The following C10orf71 variants were observed in gnomAD, a reference collection of about 807,000 sequenced individuals.
The protein encoded by C10orf71 is cardiac-enriched FHL2-interacting protein.
For synonymous variants in C10orf71, 758 were observed against 726.3 expected, an observed-to-expected ratio of 1.04 and a Z score of -0.70; for missense variants, 1,869 against 1,804.5, an observed-to-expected ratio of 1.04 and a Z score of -0.65.
At chr10:49,297,385 T>C (rs1196816739), upstream of C10orf71, among the ~76,000 whole-genome samples, 1 of 152,202 alleles carries the variant, frequency 6.6e-6, no homozygotes, top group Non-Finnish European at 1.5e-5. Flanking sequence ...GGGAGGGAAA[T>C]TAACAAATAT....
At chr10:49,310,076 G>A (rs1358414563) in intron 1 of C10orf71, among the ~76,000 whole-genome samples, 1 of 152,212 alleles carries the variant, frequency 6.6e-6, no homozygotes, top group Non-Finnish European at 1.5e-5. Context: ...CAGGGATGAG[G>A]AGGAAAATGG....
intron 1 of C10orf71, among the ~76,000 whole-genome samples, chr10:49,300,665 C>G (rs546505052): frequency 7.4e-4 from 112 of 152,292 alleles, no homozygotes; most frequent in African/African-American, 2.6e-3. Context: ...ACCAGACACA[C>G]AGCGTGTCCA....
Position 49,323,339 on chromosome 10 carries a change from G to T in C10orf71, c.794G>T (p.Gly265Val). Residue 265 changes from glycine to valine, a missense_variant, in exon 3 of 3, where the codon GGC becomes GTC. Physicochemically the swap from Gly to Val is moderately radical, Grantham distance 109. Coordinates refer to ENST00000374144, the MANE Select transcript of C10orf71 (RefSeq NM_001135196.2). Reference protein sequence around the residue: ...HKPVTGEPGRGKGTFLHSENS... With the variant: ...HKPVTGEPGRVKGTFLHSENS... ...CCAGTCACGGGTGAGCCTGGGAGAG[G>T]CAAAGGTACCTTTCTGCACAGTGAA... The T allele has an allele frequency of 6.2e-7, 1 of 1,613,842 alleles. No homozygotes were observed. The highest frequency in any genetic ancestry group is 1.1e-5 in the South Asian group (1 of 91,046).
intron 2 of C10orf71, among the ~76,000 whole-genome samples, chr10:49,317,270 G>T (rs1457169973): frequency 6.6e-6 from 1 of 152,178 alleles, no homozygotes; most frequent in Non-Finnish European, 1.5e-5. Context: ...AAGTGGGATG[G>T]TGCTGCCGTG....
At chr10:49,310,428 G>T (rs1848890625) in intron 1 of C10orf71, among the ~76,000 whole-genome samples, 1 of 152,168 alleles carries the variant, frequency 6.6e-6, no homozygotes, top group South Asian at 2.1e-4. Flanking sequence ...GAGGTTCAGG[G>T]TTTCCTCCTG....
chr10:49,325,902 G>A lies in C10orf71; in HGVS notation c.3357G>A (p.Trp1119Ter), dbSNP rs1447989673. ...AGGACCTGACCCACGCCCTCGTGTGGGAGGGCGGCTCTGACCCCCTACTTG... is the reference window on the plus strand; with the variant it reads ...AGGACCTGACCCACGCCCTCGTGTGAGAGGGCGGCTCTGACCCCCTACTTG... ...RREDLTHALV[W>*]EGGSDPLLEL... Residue 1119 changes from tryptophan to a stop codon, truncating the protein, a stop_gained, in exon 3 of 3, where the codon TGG becomes TGA. Transcript: ENST00000374144. LOFTEE classifies it low-confidence loss of function (END_TRUNC). 17 of 1,549,908 alleles carry A rather than the reference G, an allele frequency of 1.1e-5. No individual in the cohort carries two copies. Among genetic ancestry groups the A allele is most frequent in the Non-Finnish European group, 1.1e-5 (13 of 1,145,818 alleles).
chr10:49,310,172 C>T (rs922178209), intron 1 of C10orf71, among the ~76,000 whole-genome samples: 4 of 152,218 alleles, frequency 2.6e-5, no homozygotes, highest in Non-Finnish European at 5.9e-5. Flanking sequence ...GAGCCTCCCG[C>T]AGCACCAGAG....
chr10:49,309,578 G>A lies in C10orf71; in HGVS notation c.-247-6567G>A, dbSNP rs527567577. On this transcript the variant is annotated intron_variant, in intron 1 of 2. Coordinates refer to ENST00000374144, the MANE Select transcript of C10orf71 (RefSeq NM_001135196.2). The stretch of plus-strand genomic sequence containing the variant: ...TTCTCCTCATAAAGCATAGACCATA[G>A]ACAAGGACATTCCCCTCTAAAGCAA... 2.5e-4 allele frequency among the ~76,000 whole-genome samples: 38 copies of A among 152,306 alleles called. No homozygotes were observed. The South Asian group carries it at 4.1e-3, about 17-fold the overall frequency.
In C10orf71 at chr10:49,322,648, C is replaced by A. The variant is rs531432405; in HGVS notation, c.103C>A (p.Arg35=). The change falls in exon 3 of 3, where the codon CGG becomes AGG. Residue 35 remains arginine, a synonymous_variant. Transcript: ENST00000374144. ...CAGGGAGGTGAGCAGCCTAACAGAC[C>A]GGGCATTCCGGAGTTTGTGCATCTC... The part of the protein sequence containing the change: ...ADREVSSLTD[R]AFRSLCISED... 3.7e-6 allele frequency: 6 copies of A among 1,613,448 alleles called. No homozygotes were observed. In the Admixed American group the frequency reaches 5.0e-5, roughly 13 times the overall value.
rs1849226468 is a variant in C10orf71, at chr10:49,325,825, A to C, written c.3280A>C (p.Asn1094His). 3 of 1,551,274 alleles carry C rather than the reference A, an allele frequency of 1.9e-6. No individual in the cohort carries two copies. Among genetic ancestry groups the C allele is most frequent in the South Asian group, 1.2e-5 (1 of 84,042 alleles). The change falls in exon 3 of 3, where the codon AAT becomes CAT. Residue 1094 changes from asparagine (N) to histidine (H), a missense_variant. By Grantham distance (68) the Asn-to-His change is moderately conservative (BLOSUM62 1). Coordinates refer to ENST00000374144, the MANE Select transcript of C10orf71 (RefSeq NM_001135196.2). ...GGPELLPEEPNQASPWASSSP... is the reference protein window; with the variant it reads ...GGPELLPEEPHQASPWASSSP... Reference sequence around the variant, plus strand: ...ACCAGAGCTGCTTCCCGAGGAGCCTAATCAAGCCAGCCCCTGGGCCAGCTC... The same window carrying C: ...ACCAGAGCTGCTTCCCGAGGAGCCTCATCAAGCCAGCCCCTGGGCCAGCTC...
At chr10:49,307,863 T>C (rs549165789) in intron 1 of C10orf71, among the ~76,000 whole-genome samples, 1 of 152,274 alleles carries the variant, frequency 6.6e-6, no homozygotes, top group African/African-American at 2.4e-5. Context: ...TCATTTCTCC[T>C]GCCATAAGGG....
At chr10:49,310,728 T>C (rs1848895698) in intron 1 of C10orf71, among the ~76,000 whole-genome samples, 2 of 152,058 alleles carry the variant, frequency 1.3e-5, no homozygotes, top group Non-Finnish European at 2.9e-5. Flanking sequence ...CTTCCTCTGA[T>C]TGTGATCCAC....
chr10:49,323,841 A>G lies in C10orf71; in HGVS notation c.1296A>G (p.Glu432=). ...ACAATGCTCTTGACCTGCCTGTGGA[A>G]CCCAATGAACATTATGATCCCCCCT... ...SENNALDLPV[E]PNEHYDPPFN... Residue 432 remains glutamate (E), a synonymous_variant, in exon 3 of 3, where the codon GAA becomes GAG. Coordinates refer to ENST00000374144, the MANE Select transcript of C10orf71 (RefSeq NM_001135196.2). 1 of 1,613,924 alleles carries G rather than the reference A, an allele frequency of 6.2e-7. No homozygotes were observed. The highest frequency in any genetic ancestry group is 1.1e-5 in the South Asian group (1 of 91,074).
chr10:49,315,116 G>A (rs1238861252), intron 1 of C10orf71, among the ~76,000 whole-genome samples: 2 of 152,264 alleles, frequency 1.3e-5, no homozygotes, highest in East Asian at 3.9e-4. Context: ...AGCCAGCCTG[G>A]GGAGTCAGGG....
rs760538036 is a variant in C10orf71 at position 49,322,703 on chromosome 10, T to C, written c.158T>C (p.Leu53Pro). The C allele has an allele frequency of 1.9e-6, 3 of 1,613,888 alleles. No homozygotes were observed. The highest frequency in any genetic ancestry group is 2.7e-5 in the African/African-American group (2 of 74,944). ...GACACATCCTTCCATGACTCCTATC[T>C]GGCTGTGTCCCCGGATATCACCCGA... ...SEDTSFHDSY[L>P]AVSPDITRQV... Residue 53 changes from leucine to proline, a missense_variant, in exon 3 of 3, where the codon CTG (leucine) becomes CCG (proline). Coordinates refer to ENST00000374144, the MANE Select transcript of C10orf71 (RefSeq NM_001135196.2).
chr10:49,306,329 G>A lies in C10orf71; in HGVS notation c.-248+7096G>A, dbSNP rs1008525605. Among the ~76,000 whole-genome samples, 9 of 152,346 alleles carry A rather than the reference G, an allele frequency of 5.9e-5. No individual in the cohort carries two copies. The South Asian group carries it at 6.2e-4, about 11-fold the overall frequency. On this transcript the variant is annotated intron_variant, in intron 1 of 2. Transcript: ENST00000374144. Reference sequence around the variant, plus strand: ...CTTGGGAGTGGGCAGTCCCAGGGGCGGGCACAGCCGGGCTGATTTTTATTA... The same window carrying A: ...CTTGGGAGTGGGCAGTCCCAGGGGCAGGCACAGCCGGGCTGATTTTTATTA...
intron 1 of C10orf71, among the ~76,000 whole-genome samples, chr10:49,315,029 G>T (rs534778711): frequency 1.3e-4 from 20 of 152,280 alleles, no homozygotes; most frequent in African/African-American, 4.1e-4. Context: ...GGGTCACGAT[G>T]TATGAAGTGA....
Position 49,322,749 on chromosome 10 carries a change from C to T in C10orf71, c.204C>T (p.His68=). 1 of 1,613,682 alleles carries T rather than the reference C, an allele frequency of 6.2e-7. No homozygotes were observed. The highest frequency in any genetic ancestry group is 1.1e-5 in the South Asian group (1 of 91,062). Residue 68 remains histidine (H), a synonymous_variant, in exon 3 of 3, where the codon CAC becomes CAT. Transcript: ENST00000374144. ...CCCGACAGGTGTTTGGGACTTTTCA[C>T]CAGAGAACAGTGGGCCACACCCAGA... The part of the protein sequence containing the change: ...DITRQVFGTF[H]QRTVGHTQRK...
intron 1 of C10orf71, among the ~76,000 whole-genome samples, chr10:49,314,327 G>A (rs1848964435): frequency 6.6e-6 from 1 of 152,184 alleles, no homozygotes; most frequent in Non-Finnish European, 1.5e-5. Context: ...ATGCATTCAT[G>A]ACCAGGTTCC....
Sources: allele counts gnomAD v4.1 joint callset (sites outside exome capture counted in the v4.1 genomes callset), GRCh38; gene constraint gnomAD v4.1.1; transcripts MANE v1.5; gene names NCBI Gene and HGNC (gene_info 2026-07-23, HGNC 2026-07-21).